LHFPL3: variants seen among roughly 807,000 people sequenced by gnomAD.
The protein encoded by LHFPL3 is LHFPL tetraspan subfamily member 3 protein.
LHFPL3 carries 5 observed loss-of-function variants against 19.3 expected under a neutral mutation model. That is an observed-to-expected ratio of 0.26 (90% CI 0.14 to 0.54). The LOEUF (loss-of-function observed/expected upper bound fraction) is 0.54, where lower values mean the gene tolerates loss of function less well. Among genes scored for constraint, LHFPL3 ranks in the 20% least tolerant of loss-of-function variants. The pLI is 0.94. For synonymous variants in LHFPL3, 133 were observed against 126.2 expected, an observed-to-expected ratio of 1.05 and a Z score of -0.36; for missense variants, 249 against 307.4, an observed-to-expected ratio of 0.81 and a Z score of 1.42.
intron 2 of LHFPL3, among the ~76,000 whole-genome samples, chr7:104,814,893 G>A (rs1216183400): frequency 6.6e-6 from 1 of 152,210 alleles, no homozygotes; most frequent in Non-Finnish European, 1.5e-5. Context: ...GGCGGCGGGA[G>A]CAGGCACTTT....
At chr7:104,660,842 A>G (rs1459366270) in intron 1 of LHFPL3, among the ~76,000 whole-genome samples, 2 of 152,234 alleles carry the variant, frequency 1.3e-5, no homozygotes, top group Non-Finnish European at 2.9e-5. Flanking sequence ...TCAAGGTCAC[A>G]TACTCCATCA....
chr7:104,632,901 C>T lies in LHFPL3; in HGVS notation c.446-103774C>T, dbSNP rs928496256. On this transcript the variant is annotated intron_variant, in intron 1 of 2. Transcript: ENST00000424859. ...AACTCCTGGGTTCAAGCAATCTGCC[C>T]ACCTTGGTCTCCCAAAGTGCTAGAT... 7.9e-5 allele frequency among the ~76,000 whole-genome samples: 12 copies of T among 152,206 alleles called. 1 individual carries two copies. Among genetic ancestry groups the T allele is most frequent in the Admixed American group, 7.2e-4 (11 of 15,278 alleles).
chr7:104,864,411 C>T lies in LHFPL3; in HGVS notation c.683-41776C>T, dbSNP rs1791679877. Reference sequence around the variant, plus strand: ...ATGGCACCTGGAAAATCAGGTCACTCCCACCCTAATACTGCACTTTTCCAG... The same window carrying T: ...ATGGCACCTGGAAAATCAGGTCACTTCCACCCTAATACTGCACTTTTCCAG... On this transcript the variant is annotated intron_variant, in intron 2 of 2. Coordinates refer to ENST00000424859, the MANE Select transcript of LHFPL3 (RefSeq NM_199000.3). 5.9e-5 allele frequency among the ~76,000 whole-genome samples: 9 copies of T among 152,292 alleles called. No individual in the cohort carries two copies. In the South Asian group the frequency reaches 1.9e-3, roughly 32 times the overall value.
At chr7:104,624,466 T>C (rs1299992435) in intron 1 of LHFPL3, among the ~76,000 whole-genome samples, 1 of 152,188 alleles carries the variant, frequency 6.6e-6, no homozygotes, top group Non-Finnish European at 1.5e-5. Flanking sequence ...TCCCAAGCTC[T>C]ACAGAGACTC....
chr7:104,511,644 G>T (rs1346306254), intron 1 of LHFPL3, among the ~76,000 whole-genome samples: 1 of 152,122 alleles, frequency 6.6e-6, no homozygotes, highest in African/African-American at 2.4e-5. Context: ...TAGTTTGAAG[G>T]AGCAAATTGT....
At chr7:104,535,258 A>G (rs1794371417) in intron 1 of LHFPL3, among the ~76,000 whole-genome samples, 1 of 152,226 alleles carries the variant, frequency 6.6e-6, no homozygotes, top group African/African-American at 2.4e-5. Context: ...CTCACATTAT[A>G]TAACTTGATG....
At chr7:104,614,702 T>C (rs1185572854) in intron 1 of LHFPL3, among the ~76,000 whole-genome samples, 3 of 141,658 alleles carry the variant, frequency 2.1e-5, no homozygotes, top group Non-Finnish European at 4.6e-5. Flanking sequence ...TTTCTTTCTT[T>C]CTTTCTTTCT....
chr7:104,448,910 G>A (rs1476755316), intron 1 of LHFPL3, among the ~76,000 whole-genome samples: 2 of 152,214 alleles, frequency 1.3e-5, no homozygotes, highest in Non-Finnish European at 2.9e-5. Flanking sequence ...ATGCTGATGT[G>A]TCTGTTGGTG....
Position 104,907,109 on chromosome 7 carries a change from T to C in LHFPL3, c.*894T>C, listed in dbSNP as rs944429583. 15 of 152,732 alleles carry C rather than the reference T, an allele frequency of 9.8e-5. No individual in the cohort carries two copies. The highest frequency in any genetic ancestry group is 3.4e-4 in the African/African-American group (14 of 41,570). 9.5% of individuals were successfully genotyped at this position (152,732 alleles called of 1,614,324 possible). ...TTTTTTTCTAATTCTCCCTAGTATA[T>C]GCATAGGAATTTAATATACTTTATA... On this transcript the variant is annotated 3_prime_UTR_variant, in exon 3 of 3. Transcript: ENST00000424859.
rs1196165566 is a variant in LHFPL3, at chr7:104,399,636, AT to A, written c.445+70429del. Reference sequence around the variant, plus strand: ...GCCACCACACCGGGCTAAGTTTTGCATTTTTTTTTTTTTTTTTGGTAGAGAC... The same window carrying A: ...GCCACCACACCGGGCTAAGTTTTGCATTTTTTTTTTTTTTTTGGTAGAGAC... On this transcript the variant is annotated intron_variant, in intron 1 of 2. Coordinates refer to ENST00000424859, the MANE Select transcript of LHFPL3 (RefSeq NM_199000.3). This position sits in a 1 kb window ranked among gnomAD's most constrained non-coding sequence, Gnocchi z 4.4. Among the ~76,000 whole-genome samples the A allele has an allele frequency of 4.8e-3, 586 of 122,988 alleles. 1 individual carries two copies. The highest frequency in any genetic ancestry group is 8.9e-3 in the African/African-American group (293 of 33,100). 80.7% of individuals were successfully genotyped at this position (122,988 alleles called of 152,430 possible). A position where few individuals can be genotyped will look rare whatever the true frequency, so the allele number is the denominator to read the frequency against.
At chr7:104,402,751 A>T (rs1433401797) in intron 1 of LHFPL3, among the ~76,000 whole-genome samples, 2 of 152,222 alleles carry the variant, frequency 1.3e-5, no homozygotes, top group Non-Finnish European at 2.9e-5. Flanking sequence ...TTGCTTCTAT[A>T]GGACTCCATT....
intron 1 of LHFPL3, among the ~76,000 whole-genome samples, chr7:104,341,074 C>G (rs981794211): frequency 9.9e-5 from 15 of 152,156 alleles, no homozygotes; most frequent in African/African-American, 3.4e-4. Context: ...TGAATATTCT[C>G]CATCTCTAAT....
At chr7:104,663,579 C>T (rs939290056) in intron 1 of LHFPL3, among the ~76,000 whole-genome samples, 2 of 152,224 alleles carry the variant, frequency 1.3e-5, no homozygotes, top group Non-Finnish European at 2.9e-5. Flanking sequence ...TAAAAAGACT[C>T]ATATGCCCTG....
rs146311204 is a variant in LHFPL3, at chr7:104,340,180, A to G, written c.445+10956A>G. ...GACTTAATTTTTCTAAGGCTTGTAC[A>G]ATTCTATTCCAGATTTTTTTTAAAA... On this transcript the variant is annotated intron_variant, in intron 1 of 2. Transcript: ENST00000424859. Among the ~76,000 whole-genome samples the G allele has an allele frequency of 1.8e-3, 275 of 151,878 alleles. 1 individual carries two copies. The highest frequency in any genetic ancestry group is 5.6e-3 in the South Asian group (27 of 4,812).
chr7:104,628,693 C>T (rs1791588753), intron 1 of LHFPL3, among the ~76,000 whole-genome samples: 1 of 152,220 alleles, frequency 6.6e-6, no homozygotes, highest in Admixed American at 6.5e-5. Flanking sequence ...TACTGGGATT[C>T]CCTAGAGCTA....
At chr7:104,632,486 C>A (rs1487450436) in intron 1 of LHFPL3, among the ~76,000 whole-genome samples, 2 of 152,146 alleles carry the variant, frequency 1.3e-5, no homozygotes, top group Non-Finnish European at 2.9e-5. Flanking sequence ...TAATAGATAA[C>A]CATTATGAAA....
intron 1 of LHFPL3, among the ~76,000 whole-genome samples, chr7:104,625,331 A>G (rs1791522175): frequency 6.6e-6 from 1 of 152,258 alleles, no homozygotes; most frequent in African/African-American, 2.4e-5. Flanking sequence ...TTTGGGTCCT[A>G]TCACAGAAAA....
At chr7:104,878,874 G>A (rs1317664278) in intron 2 of LHFPL3, among the ~76,000 whole-genome samples, 1 of 152,190 alleles carries the variant, frequency 6.6e-6, no homozygotes, top group Non-Finnish European at 1.5e-5. Context: ...TTAAGGGATT[G>A]TTATGGTTAT....
chr7:104,694,916 A>C lies in LHFPL3; in HGVS notation c.446-41759A>C, dbSNP rs139183190. Among the ~76,000 whole-genome samples the C allele has an allele frequency of 3.3e-5, 5 of 152,368 alleles. No homozygotes were observed. In the East Asian group the frequency reaches 9.6e-4, roughly 29 times the overall value. On this transcript the variant is annotated intron_variant, in intron 1 of 2. Transcript: ENST00000424859. ...GCAGCACTGATGATGTCAAGGTTGCAGTGAGCTAACTTGAAGGTGTCTGGT... is the reference window on the plus strand; with the variant it reads ...GCAGCACTGATGATGTCAAGGTTGCCGTGAGCTAACTTGAAGGTGTCTGGT...
Sources: gnomAD v4.1 joint callset for allele counts (sites outside exome capture counted in the v4.1 genomes callset) on GRCh38, gnomAD v4.1.1 for gene constraint, Gnocchi (gnomAD v3.1) non-coding constraint, MANE v1.5 for transcripts, NCBI Gene and HGNC (gene_info 2026-07-23, HGNC 2026-07-21) for gene names.